VWA3A: variants seen among roughly 807,000 people sequenced by gnomAD.
VWA3A encodes von Willebrand factor A domain containing 3A.
VWA3A carries 134 observed loss-of-function variants against 160.4 expected under a neutral mutation model. The observed-to-expected ratio is 0.84, with a 90% CI of 0.73 to 0.96. The LOEUF is 0.96. Among genes scored for constraint, VWA3A ranks in the 40% least tolerant of loss-of-function variants. The pLI, the probability that VWA3A is intolerant of heterozygous loss-of-function variation, is 0.00. For missense variants in VWA3A, 1,310 were observed against 1,447.9 expected (o/e 0.90, Z 1.55); for synonymous variants, 476 against 543.4 (o/e 0.88, Z 1.72).
chr16:22,097,701 G>C lies in VWA3A; in HGVS notation c.225+6G>C, dbSNP rs1249280625. The C allele has an allele frequency of 6.4e-7, 1 of 1,551,194 alleles. No individual in the cohort carries two copies. The highest frequency in any genetic ancestry group is 8.7e-7 in the Non-Finnish European group (1 of 1,146,748). On this transcript the variant is annotated splice_donor_region_variant and intron_variant, in intron 3 of 33. Transcript: ENST00000389398. The stretch of plus-strand genomic sequence containing the variant: ...ACCAGACACAGGACTTACTGGTAAA[G>C]ACCATGGCACTTTAACTGGGTCGTG...
intron 23 of VWA3A, chr16:22,141,193 A>G (rs1181960275): frequency 2.1e-6 from 1 of 466,442 alleles, no homozygotes; most frequent in Admixed American, 2.3e-5. Context: ...TTTTATTTCT[A>G]ATGTCAAAGG....
chr16:22,146,171 G>T, intron 26 of VWA3A, 65 bp from the exon 27 acceptor site: 1 of 1,285,044 alleles, frequency 7.8e-7, no homozygotes, highest in South Asian at 1.3e-5. Flanking sequence ...CAATTTTAGG[G>T]GGTGATGGGG....
In VWA3A at chr16:22,110,957, T is replaced by G. The variant is rs760755310; in HGVS notation, c.652T>G (p.Ser218Ala). ...CCTGTCCTTTGGCACCAATGCCGGG[T>G]CCCTCTGGCCAGACCCCATGGAAGT... ...FVLSFGTNAGSLWPDPMEVSA... is the reference protein window; with the variant it reads ...FVLSFGTNAGALWPDPMEVSA... Residue 218 changes from serine (S) to alanine (A), a missense_variant, in exon 8 of 34, where the codon TCC (serine) becomes GCC (alanine). By Grantham distance (99) the Ser-to-Ala change is moderately conservative. Coordinates refer to ENST00000389398, the MANE Select transcript of VWA3A (RefSeq NM_173615.5). The G allele has an allele frequency of 1.2e-6, 2 of 1,610,338 alleles. No homozygotes were observed. The highest frequency in any genetic ancestry group is 1.7e-6 in the Non-Finnish European group (2 of 1,178,464).
chr16:22,099,095 CAAAAG>C (rs979823776), intron 3 of VWA3A, among the ~76,000 whole-genome samples: 2 of 146,064 alleles, frequency 1.4e-5, no homozygotes, highest in Non-Finnish European at 3.0e-5. Flanking sequence ...GACCCTGTCT[CAAAAG>C]AAAAAAAAAA....
At chr16:22,116,957 C>G (rs1567203815) in intron 10 of VWA3A, 90 bp downstream of exon 10, 2 of 1,433,624 alleles carry the variant, frequency 1.4e-6, no homozygotes, top group Admixed American at 1.8e-5. Flanking sequence ...GACAGGCCCC[C>G]GAGCTGTGGA....
At chr16:22,122,470 A>C (rs2045758996) in intron 14 of VWA3A, among the ~76,000 whole-genome samples, 1 of 152,168 alleles carries the variant, frequency 6.6e-6, no homozygotes, top group Admixed American at 6.6e-5. Context: ...GAGGAGTGAA[A>C]GGATGGAGAA....
At position 22,134,422 on chromosome 16, in the gene VWA3A, T is replaced by C; in HGVS notation, c.2123T>C (p.Leu708Pro). The C allele has an allele frequency of 1.3e-6, 2 of 1,594,776 alleles. No homozygotes were observed. The highest frequency in any genetic ancestry group is 1.7e-6 in the Non-Finnish European group (2 of 1,169,974). ...ATCATGTCTGAGATGGAAAAGGCTC[T>C]CAACTACTCCCAAAAGGTATGCCCT... is the stretch of plus-strand genomic sequence containing the variant. ...NSIMSEMEKALNYSQKCAFLM... is the reference protein window; with the variant it reads ...NSIMSEMEKAPNYSQKCAFLM... Residue 708 changes from leucine to proline, a missense_variant, in exon 21 of 34, where the codon CTC becomes CCC. By Grantham distance (98) the Leu-to-Pro change is moderately conservative (BLOSUM62 -3). Coordinates refer to ENST00000389398, the MANE Select transcript of VWA3A (RefSeq NM_173615.5).
chr16:22,115,614 T>G, intron 9 of VWA3A, 142 bp downstream of exon 9: 1 of 953,100 alleles, frequency 1.0e-6, no homozygotes. Context: ...GGAGGATTGC[T>G]CGAAGCCAGG....
intron 31 of VWA3A, among the ~76,000 whole-genome samples, chr16:22,154,713 G>T (rs1395303703): frequency 6.6e-6 from 1 of 151,366 alleles, no homozygotes; most frequent in African/African-American, 2.4e-5. Context: ...CCAGCACTTT[G>T]GGACGCCGAG....
At position 22,148,319 on chromosome 16, in the gene VWA3A, G is replaced by T. The variant is rs1334500144; in HGVS notation, c.2984+13G>T. On this transcript the variant is annotated intron_variant, in intron 28 of 33. Transcript: ENST00000389398. ...AGTGCTGTGACAGGTAGGAGGCGAG[G>T]GCTGATCAGGAAGATCAAAGGGGCA... 6.3e-7 allele frequency: 1 copy of T among 1,584,922 alleles called. No homozygotes were observed. The highest frequency in any genetic ancestry group is 2.3e-5 in the East Asian group (1 of 43,540).
intron 1 of VWA3A, among the ~76,000 whole-genome samples, chr16:22,094,925 C>G (rs1287487770): frequency 2.6e-5 from 4 of 151,226 alleles, no homozygotes; most frequent in African/African-American, 9.7e-5. Flanking sequence ...CAAGATCATG[C>G]CACTGCACTC....
chr16:22,116,486 A>C, intron 9 of VWA3A: 1 of 528,298 alleles, frequency 1.9e-6, no homozygotes, highest in African/African-American at 1.9e-5. Flanking sequence ...AAAGAAAAGA[A>C]AGAGAAGGAA....
chr16:22,156,021 C>T lies in VWA3A; in HGVS notation c.*15-11C>T. The T allele has an allele frequency of 7.9e-7, 1 of 1,272,780 alleles. No individual in the cohort carries two copies. The highest frequency in any genetic ancestry group is 1.5e-5 in the African/African-American group (1 of 67,092). 78.8% of individuals were successfully genotyped at this position (1,272,780 alleles called of 1,614,324 possible). A position where few individuals can be genotyped will look rare whatever the true frequency, so the allele number is the denominator to read the frequency against. Reference sequence around the variant, plus strand: ...TAACTTTGGTTAAAAAATAATGATTCCTCTAAACAGAAAAGTCATCCTGCA... The same window carrying T: ...TAACTTTGGTTAAAAAATAATGATTTCTCTAAACAGAAAAGTCATCCTGCA... On this transcript the variant is annotated splice_polypyrimidine_tract_variant and intron_variant, in intron 33 of 33. Coordinates refer to ENST00000389398, the MANE Select transcript of VWA3A (RefSeq NM_173615.5).
intron 25 of VWA3A, 47 bp from the exon 26 acceptor site, chr16:22,144,200 T>G: frequency 6.4e-7 from 1 of 1,559,256 alleles, no homozygotes; most frequent in Non-Finnish European, 8.7e-7. Flanking sequence ...GATCATTCAG[T>G]TGAGTCTGAA....
intron 30 of VWA3A, 51 bp downstream of exon 30, chr16:22,150,897 A>G: frequency 1.3e-6 from 2 of 1,564,050 alleles, no homozygotes; most frequent in Non-Finnish European, 1.7e-6. Flanking sequence ...ACAGCCACAC[A>G]TCTCAGCAGG....
At chr16:22,126,106 T>C (rs1366885483) in intron 16 of VWA3A, 72 bp from the exon 17 acceptor site, 11 of 1,593,356 alleles carry the variant, frequency 6.9e-6, no homozygotes, top group African/African-American at 1.4e-5. Context: ...AAACTTTAAA[T>C]AGTAAAATGG....
intron 10 of VWA3A, 82 bp downstream of exon 10, chr16:22,116,949 C>A: frequency 6.9e-7 from 1 of 1,453,384 alleles, no homozygotes; most frequent in Non-Finnish European, 9.6e-7. Flanking sequence ...CATGCTTGGA[C>A]AGGCCCCCGA....
At chr16:22,150,060 T>G in intron 29 of VWA3A, 129 bp downstream of exon 29, 2 of 1,290,526 alleles carry the variant, frequency 1.5e-6, no homozygotes, top group Non-Finnish European at 2.1e-6. Context: ...TCATTTCATC[T>G]TCCCAACACC....
Position 22,126,337 on chromosome 16 carries a change from G to A in VWA3A, c.1652+40G>A, listed in dbSNP as rs1208936893. Reference sequence around the variant, plus strand: ...GCTCCTGGGGGCAAGGGTGGGTCGTGTGTGTTTGGATGCCGTCATTGGGCT... The same window carrying A: ...GCTCCTGGGGGCAAGGGTGGGTCGTATGTGTTTGGATGCCGTCATTGGGCT... On this transcript the variant is annotated intron_variant, in intron 17 of 33. Transcript: ENST00000389398. The A allele has an allele frequency of 1.9e-6, 3 of 1,594,188 alleles. No homozygotes were observed. The East Asian group carries it at 6.8e-5, about 36-fold the overall frequency.
Sources: allele counts gnomAD v4.1 joint callset (sites outside exome capture counted in the v4.1 genomes callset), GRCh38; gene constraint gnomAD v4.1.1; transcripts MANE v1.5; gene names NCBI Gene and HGNC (gene_info 2026-07-23, HGNC 2026-07-21).